The following HEXA variants were observed in gnomAD, a reference collection of about 807,000 sequenced individuals.
HEXA encodes hexosaminidase subunit alpha.
HEXA carries 54 observed loss-of-function variants against 73.3 expected under a neutral mutation model. That is an observed-to-expected ratio of 0.74 (90% CI 0.59 to 0.92). HEXA has a LOEUF of 0.92. Ranked by LOEUF, HEXA falls within the 40% of genes least tolerant of loss-of-function variation. HEXA has a pLI of 0.00. For missense variants in HEXA, 649 were observed against 653.0 expected (o/e 0.99, Z 0.07); for synonymous variants, 230 against 246.9 (o/e 0.93, Z 0.64).
intron 1 of HEXA, among the ~76,000 whole-genome samples, chr15:72,367,820 C>T (rs1231136141): frequency 6.6e-6 from 1 of 152,216 alleles, no homozygotes; most frequent in Non-Finnish European, 1.5e-5. Context: ...ATGCGGAATA[C>T]TATCTTCACC....
chr15:72,349,859 G>C (rs1291451578), intron 7 of HEXA, among the ~76,000 whole-genome samples: 1 of 152,144 alleles, frequency 6.6e-6, no homozygotes, highest in East Asian at 1.9e-4. Flanking sequence ...TGCCTCCTGG[G>C]TTCAAGCGAT....
At chr15:72,345,724 G>A (rs549883418) in intron 12 of HEXA, 174 bp from the exon 13 acceptor site, 7 of 922,886 alleles carry the variant, frequency 7.6e-6, no homozygotes, top group East Asian at 2.7e-5. Context: ...AGAGTTCTAC[G>A]GCTCAGCTCC....
intron 1 of HEXA, chr15:72,369,844 C>T (rs1024865097): frequency 2.6e-5 from 4 of 151,952 alleles, no homozygotes; most frequent in Non-Finnish European, 5.9e-5. Context: ...AAACAAACAA[C>T]AACAAAACGA....
chr15:72,373,049 T>C (rs1437568077), intron 1 of HEXA, among the ~76,000 whole-genome samples: 1 of 152,192 alleles, frequency 6.6e-6, no homozygotes, highest in Non-Finnish European at 1.5e-5. Context: ...GAGAATTGCT[T>C]GAGACCGGGA....
chr15:72,349,292 C>G lies in HEXA; in HGVS notation c.806-33G>C, dbSNP rs765483440. On this transcript the variant is annotated intron_variant, in intron 7 of 13. Coordinates refer to ENST00000268097, the MANE Select transcript of HEXA (RefSeq NM_000520.6). ...AAGAGAAAACCCCATATGAGTGTCA[C>G]AAATACATAAACCCCCACGCACAGT... 1.9e-6 allele frequency: 3 copies of G among 1,552,994 alleles called. No individual in the cohort carries two copies. In the African/African-American group the frequency reaches 4.1e-5, roughly 21 times the overall value.
At chr15:72,355,981 A>C (rs751077686) in intron 2 of HEXA, 1 of 472,286 alleles carries the variant, frequency 2.1e-6, no homozygotes, top group South Asian at 1.5e-5. Flanking sequence ...GGATGCCTGC[A>C]GGGGTGAGTG....
At chr15:72,363,564 G>A (rs1018060013) in intron 1 of HEXA, among the ~76,000 whole-genome samples, 10 of 152,174 alleles carry the variant, frequency 6.6e-5, no homozygotes, top group African/African-American at 2.4e-4. Context: ...ACTGCCCTGA[G>A]CTGGGGCCTT....
At chr15:72,373,943 G>C (rs946315461) in intron 1 of HEXA, among the ~76,000 whole-genome samples, 5 of 150,170 alleles carry the variant, frequency 3.3e-5, no homozygotes, top group African/African-American at 1.2e-4. Context: ...AGGCTGCAGT[G>C]AGCCAAGATC....
chr15:72,357,628 A>G (rs2088802424), intron 1 of HEXA: 1 of 152,144 alleles, frequency 6.6e-6, no homozygotes, highest in African/African-American at 2.4e-5. Context: ...CACAACATCC[A>G]TGACTTCTTA....
At chr15:72,356,443 A>G in intron 2 of HEXA, 82 bp downstream of exon 2, 19 of 1,477,482 alleles carry the variant, frequency 1.3e-5, no homozygotes, top group Non-Finnish European at 1.6e-5. Context: ...GCCGAGCATC[A>G]GCAGTTTAGG....
Position 72,373,424 on chromosome 15 carries a change from A to G in HEXA, c.253+2296T>C, listed in dbSNP as rs533149396. ...AACTACATTCCAAAGGGAAGACTCC[A>G]TGGGAAGAGCAATAGAGAAAGAAGT... is the stretch of plus-strand genomic sequence containing the variant. On this transcript the variant is annotated intron_variant, in intron 1 of 13. Coordinates refer to ENST00000268097, the MANE Select transcript of HEXA (RefSeq NM_000520.6). 5.9e-5 allele frequency among the ~76,000 whole-genome samples: 9 copies of G among 152,352 alleles called. No homozygotes were observed. The East Asian group carries it at 1.5e-3, about 26-fold the overall frequency.
Position 72,375,763 on chromosome 15 carries a change from G to A in HEXA, c.210C>T (p.Asp70=), listed in dbSNP as rs1377654671. ...VLDEAFQRYR[D]LLFGSGSWPR... ...GCCAAGACCCGGAACCGAAAAGCAG[G>A]TCACGATAGCGCTGGAAGGCCTCGT... The change falls in exon 1 of 14, where the codon GAC becomes GAT. Residue 70 remains aspartate (D), a synonymous_variant. Transcript: ENST00000268097. 3 of 1,614,136 alleles carry A rather than the reference G, an allele frequency of 1.9e-6. No homozygotes were observed. The highest frequency in any genetic ancestry group is 1.3e-5 in the African/African-American group (1 of 74,960).
At chr15:72,347,612 A>T in intron 10 of HEXA, 74 bp downstream of exon 10, 1 of 1,155,218 alleles carries the variant, frequency 8.7e-7, no homozygotes. Flanking sequence ...CAGTCTCTGT[A>T]GAGGCAGGGA....
chr15:72,369,714 A>T (rs563706812), intron 1 of HEXA, among the ~76,000 whole-genome samples: 1 of 152,286 alleles, frequency 6.6e-6, no homozygotes, highest in African/African-American at 2.4e-5. Flanking sequence ...TATTTCTTAA[A>T]AGAAGTACTG....
At position 72,375,658 on chromosome 15, in the gene HEXA, G is replaced by T. The variant is rs1161802261; in HGVS notation, c.253+62C>A. On this transcript the variant is annotated intron_variant, in intron 1 of 13. Coordinates refer to ENST00000268097, the MANE Select transcript of HEXA (RefSeq NM_000520.6). ...CATAGGGCGTCTCTGGAGCCCTGGG[G>T]GAACTGTCCCCAGGCAGGCACTCTC... 11 of 1,600,386 alleles carry T rather than the reference G, an allele frequency of 6.9e-6. No homozygotes were observed. In the East Asian group the frequency reaches 2.2e-4, roughly 33 times the overall value.
At chr15:72,351,065 G>T in intron 6 of HEXA, 68 bp downstream of exon 6, 1 of 1,030,188 alleles carries the variant, frequency 9.7e-7, no homozygotes, top group Non-Finnish European at 1.5e-6. Flanking sequence ...CCCTGTTCTT[G>T]CCAGCAGGGC....
At chr15:72,365,378 C>T (rs1278338761) in intron 1 of HEXA, among the ~76,000 whole-genome samples, 1 of 152,214 alleles carries the variant, frequency 6.6e-6, no homozygotes, top group Non-Finnish European at 1.5e-5. Context: ...GGACTACAGG[C>T]GTGAGCCACG....
Position 72,349,153 on chromosome 15 carries a change from G to A in HEXA, c.912C>T (p.Phe304=), listed in dbSNP as rs1385655581. ...LNNTYEFMST[F]FLEVSSVFPD... is the part of the protein sequence containing the mutation. ...GGAAGACAGAGCTGACTTCTAAGAA[G>A]AATGTGCTCATGAACTCATAGGTAT... Residue 304 remains phenylalanine, a synonymous_variant, in exon 8 of 14, where the codon TTC becomes TTT. Transcript: ENST00000268097. 2.5e-6 allele frequency: 4 copies of A among 1,613,804 alleles called. No homozygotes were observed. Among genetic ancestry groups the A allele is most frequent in the Non-Finnish European group, 3.4e-6 (4 of 1,179,800 alleles).
intron 1 of HEXA, among the ~76,000 whole-genome samples, chr15:72,371,715 G>A (rs34607939): frequency 0.014 from 2,073 of 151,892 alleles, 33 homozygotes; most frequent in East Asian, 0.066. Context: ...TATCTACAAC[G>A]TTCCAGATAC....
Sources: gnomAD v4.1 joint callset for allele counts (sites outside exome capture counted in the v4.1 genomes callset) on GRCh38, gnomAD v4.1.1 for gene constraint, MANE v1.5 for transcripts, NCBI Gene and HGNC (gene_info 2026-07-23, HGNC 2026-07-21) for gene names.